ASB16: variants seen among roughly 807,000 people sequenced by gnomAD.
ASB16 encodes the protein ankyrin repeat and SOCS box protein 16.
A neutral mutation model predicts 39.1 loss-of-function variants in ASB16; 44 were observed. That is an observed-to-expected ratio of 1.13 (90% confidence interval 0.88 to 1.45). ASB16 has a LOEUF of 1.45. Ranked by LOEUF, ASB16 falls within the 40% of genes most tolerant of loss-of-function variation. The pLI, the probability that ASB16 is intolerant of heterozygous loss-of-function variation, is 0.00. For missense variants in ASB16, 698 were observed against 634.5 expected, an observed-to-expected ratio of 1.10 and a Z score of -1.07; for synonymous variants, 305 against 286.7, an observed-to-expected ratio of 1.06 and a Z score of -0.64.
intron 1 of ASB16, 122 bp downstream of exon 1, chr17:44,171,212 C>T: frequency 9.8e-7 from 1 of 1,024,200 alleles, no homozygotes; most frequent in Non-Finnish European, 1.4e-6. Flanking sequence ...TTTCCACCAC[C>T]TATCCTAGCT....
chr17:44,172,076 A>G lies in ASB16; in HGVS notation c.332A>G (p.Gln111Arg), dbSNP rs1454971693. 6.2e-7 allele frequency: 1 copy of G among 1,612,120 alleles called. No homozygotes were observed. The highest frequency in any genetic ancestry group is 8.5e-7 in the Non-Finnish European group (1 of 1,179,890). Residue 111 changes from glutamine to arginine, a missense_variant, in exon 2 of 5, where the codon CAG (glutamine) becomes CGG (arginine). Physicochemically the swap from Gln to Arg is conservative, Grantham distance 43. Coordinates refer to ENST00000293414, the MANE Select transcript of ASB16 (RefSeq NM_080863.5). ...TGGGTGCTGACCCCCAAGACCAAGC[A>G]GACGGCACCCCTCGCCATCGCTACA... ...GFWVLTPKTK[Q>R]TAPLAIATAR...
chr17:44,177,064 TG>T lies in ASB16; in HGVS notation c.898del (p.Ala300ProfsTer57). On this transcript the variant is annotated frameshift_variant, in exon 3 of 5. Coordinates refer to ENST00000293414, the MANE Select transcript of ASB16 (RefSeq NM_080863.5). LOFTEE classifies it high-confidence loss of function. ...HNACANGCGG[L>X]AELLLRYGAR... ...GCTTGTGCCAACGGCTGCGGGGGCC[TG>T]GCCGAGCTGCTGCTGCGTTACGGGG... 1 of 1,472,752 alleles carries T rather than the reference TG, an allele frequency of 6.8e-7. No individual in the cohort carries two copies. Among genetic ancestry groups the T allele is most frequent in the Non-Finnish European group, 8.9e-7 (1 of 1,125,290 alleles). The allele number at this position is 1,472,752 out of a possible 1,614,324, so 91.2% of individuals were successfully genotyped here. A position where few individuals can be genotyped will look rare whatever the true frequency, so the allele number is the denominator to read the frequency against.
intron 3 of ASB16, 36 bp from the exon 4 acceptor site, chr17:44,177,573 G>C: frequency 6.2e-7 from 1 of 1,604,064 alleles, no homozygotes; most frequent in South Asian, 1.1e-5. Flanking sequence ...CTCGGGTGGG[G>C]GAGGCATGTG....
chr17:44,176,913 A>G lies in ASB16; in HGVS notation c.745A>G (p.Thr249Ala), dbSNP rs7212573. The G allele has an allele frequency of 0.33, 523,564 of 1,572,222 alleles. 96,168 individuals are homozygous for G. The highest frequency in any genetic ancestry group is 0.74 in the East Asian group (32,083 of 43,152). The change falls in exon 3 of 5, where the codon ACG (threonine) becomes GCG (alanine). Residue 249 changes from threonine (T) to alanine (A), a missense_variant. Thr to Ala is a moderately conservative substitution (Grantham distance 58). Coordinates refer to ENST00000293414, the MANE Select transcript of ASB16 (RefSeq NM_080863.5). ...CAGCCAGGGCGAGACTGCGCTGAAC[A>G]CGGCGTGCGCTGGGGCCGAGGGCCC... ...RTSQGETALN[T>A]ACAGAEGPGS...
intron 2 of ASB16, among the ~76,000 whole-genome samples, chr17:44,173,626 A>C (rs543912365): frequency 6.6e-6 from 1 of 151,946 alleles, no homozygotes; most frequent in East Asian, 1.9e-4. Flanking sequence ...TCAGAAGTTC[A>C]AGACCAGACT....
intron 2 of ASB16, among the ~76,000 whole-genome samples, chr17:44,173,025 G>A (rs1254711814): frequency 3.3e-5 from 5 of 149,854 alleles, no homozygotes; most frequent in African/African-American, 9.8e-5. Context: ...GCTTGAACCC[G>A]GGAGGCAGAG....
intron 3 of ASB16, 40 bp downstream of exon 3, chr17:44,177,270 G>A (rs2054311682): frequency 2.7e-6 from 4 of 1,490,496 alleles, no homozygotes; most frequent in African/African-American, 2.8e-5. Context: ...TCCTGTGTGG[G>A]GGAGCCCGCG....
chr17:44,174,257 G>A (rs559000958), intron 2 of ASB16, among the ~76,000 whole-genome samples: 3 of 152,150 alleles, frequency 2.0e-5, no homozygotes, highest in African/African-American at 7.2e-5. Flanking sequence ...GTGTTAGCCA[G>A]GATGGTCTTG....
In ASB16 at chr17:44,177,889, C is replaced by T. The variant is rs2054323543; in HGVS notation, c.1176+167C>T. 6 of 900,772 alleles carry T rather than the reference C, an allele frequency of 6.7e-6. No individual in the cohort carries two copies. In the South Asian group the frequency reaches 8.9e-5, roughly 13 times the overall value. 55.8% of individuals were successfully genotyped at this position (900,772 alleles called of 1,614,324 possible). On this transcript the variant is annotated intron_variant, in intron 4 of 4. Transcript: ENST00000293414. ...CCCCTCCCCCGGTACCCCAGGCTGA[C>T]CCCTAACTCCACACACCTCTCCTGC...
rs752595469 is a variant in ASB16 at position 44,171,024 on chromosome 17, G to C, written c.235G>C (p.Asp79His). The change falls in exon 1 of 5, where the codon GAT becomes CAT. Residue 79 changes from aspartate (D) to histidine (H), a missense_variant. By Grantham distance (81) the Asp-to-His change is moderately conservative. Transcript: ENST00000293414. ...NLQQVQALFQ[D>H]EEAANMIVET... Reference sequence around the variant, plus strand: ...GCAGCAGGTCCAAGCCCTGTTCCAAGATGAAGAGGCCGCCAACATGATTGT... The same window carrying C: ...GCAGCAGGTCCAAGCCCTGTTCCAACATGAAGAGGCCGCCAACATGATTGT... 1.9e-6 allele frequency: 3 copies of C among 1,614,080 alleles called. No homozygotes were observed. The Admixed American group carries it at 5.0e-5, about 27-fold the overall frequency.
chr17:44,176,845 T>G lies in ASB16; in HGVS notation c.677T>G (p.Val226Gly). The G allele has an allele frequency of 6.2e-7, 1 of 1,611,720 alleles. No homozygotes were observed. The highest frequency in any genetic ancestry group is 1.7e-4 in the Middle Eastern group (1 of 6,030). ...VAAARGLEQH[V>G]ALYLEHGADV... is the part of the protein sequence containing the mutation. Reference sequence around the variant, plus strand: ...GCGGCGCGCGGCCTGGAGCAACATGTGGCTCTGTACCTGGAGCATGGCGCC... The same window carrying G: ...GCGGCGCGCGGCCTGGAGCAACATGGGGCTCTGTACCTGGAGCATGGCGCC... Residue 226 changes from valine (V) to glycine (G), a missense_variant, in exon 3 of 5, where the codon GTG (valine) becomes GGG (glycine). Transcript: ENST00000293414.
intron 2 of ASB16, chr17:44,176,401 C>A: frequency 2.7e-6 from 1 of 371,482 alleles, no homozygotes; most frequent in African/African-American, 2.2e-5. Context: ...CTGAATGATT[C>A]AGAACCAGAC....
intron 1 of ASB16, among the ~76,000 whole-genome samples, chr17:44,171,435 G>A (rs940380908): frequency 1.4e-4 from 21 of 151,836 alleles, no homozygotes; most frequent in African/African-American, 3.6e-4. Context: ...ATGGTGGTGC[G>A]CACCTGTAAT....
chr17:44,172,051 T>C lies in ASB16; in HGVS notation c.307T>C (p.Trp103Arg), dbSNP rs1207120210. ...QLAWSAEQGF[W>R]VLTPKTKQTA... ...AAACTATTTGCTCTCCCTAGGGTTC[T>C]GGGTGCTGACCCCCAAGACCAAGCA... Residue 103 changes from tryptophan (W) to arginine (R), a missense_variant, in exon 2 of 5, where the codon TGG (tryptophan) becomes CGG (arginine). Transcript: ENST00000293414. 6.2e-7 allele frequency: 1 copy of C among 1,611,976 alleles called. No individual in the cohort carries two copies. The highest frequency in any genetic ancestry group is 1.1e-5 in the South Asian group (1 of 91,040).
At chr17:44,177,502 C>A in intron 3 of ASB16, 107 bp from the exon 4 acceptor site, 1 of 1,405,406 alleles carries the variant, frequency 7.1e-7, no homozygotes, top group Non-Finnish European at 9.7e-7. Flanking sequence ...GAGACTCAGA[C>A]CTTAGCCCCC....
chr17:44,171,304 G>A (rs974584219), intron 1 of ASB16, among the ~76,000 whole-genome samples: 4 of 152,090 alleles, frequency 2.6e-5, no homozygotes, highest in East Asian at 1.9e-4. Flanking sequence ...AGTGGCTCAC[G>A]CCTGTAATCC....
intron 2 of ASB16, among the ~76,000 whole-genome samples, chr17:44,173,202 C>G (rs904359791): frequency 6.7e-6 from 1 of 148,838 alleles, no homozygotes; most frequent in African/African-American, 2.5e-5. Flanking sequence ...GCCTGGCCAA[C>G]ATAGTGAAAC....
chr17:44,172,439 C>T, intron 2 of ASB16, 126 bp downstream of exon 2: 1 of 1,097,756 alleles, frequency 9.1e-7, no homozygotes, highest in Admixed American at 2.6e-5. Context: ...CGCATATACA[C>T]ATCTTCACAA....
chr17:44,171,220 G>T, intron 1 of ASB16, 130 bp downstream of exon 1: 1 of 984,164 alleles, frequency 1.0e-6, no homozygotes, highest in East Asian at 2.6e-5. Context: ...ACCTATCCTA[G>T]CTCCCTCCTA....
Sources: gnomAD v4.1 joint callset for allele counts (sites outside exome capture counted in the v4.1 genomes callset) on GRCh38, gnomAD v4.1.1 for gene constraint, MANE v1.5 for transcripts, NCBI Gene and HGNC (gene_info 2026-07-23, HGNC 2026-07-21) for gene names.